The following STPG2 variants were observed in gnomAD, a reference collection of about 807,000 sequenced individuals.
The protein encoded by STPG2 is sperm tail PG-rich repeat containing 2.
STPG2 carries 56 observed loss-of-function variants against 54.2 expected under a neutral mutation model. The observed-to-expected ratio is 1.03, with a 90% CI of 0.83 to 1.29. STPG2 has a LOEUF of 1.29. Among genes scored for constraint, STPG2 ranks in the 50% most tolerant of loss-of-function variants. STPG2 has a pLI of 0.00. For missense variants in STPG2, 596 were observed against 544.9 expected (o/e 1.09, Z -0.93); for synonymous variants, 200 against 181.8 (o/e 1.10, Z -0.81).
chr4:97,945,292 T>C (rs1311122870), intron 7 of STPG2, among the ~76,000 whole-genome samples: 2 of 152,162 alleles, frequency 1.3e-5, no homozygotes, highest in African/African-American at 2.4e-5. Flanking sequence ...CTCTCACTTA[T>C]CAGTGAAACC....
intron 10 of STPG2, among the ~76,000 whole-genome samples, chr4:97,626,191 T>C (rs1378237104): frequency 1.3e-5 from 2 of 152,148 alleles, no homozygotes; most frequent in Non-Finnish European, 2.9e-5. Context: ...TCATAAACTC[T>C]CTTTTTCCAG....
intron 10 of STPG2, among the ~76,000 whole-genome samples, chr4:97,640,151 A>C (rs1405007687): frequency 2.0e-5 from 3 of 152,084 alleles, no homozygotes; most frequent in Admixed American, 1.3e-4. Context: ...GAATGTGCCC[A>C]GAAAGTTTAT....
intron 8 of STPG2, among the ~76,000 whole-genome samples, chr4:97,883,124 C>A (rs998960126): frequency 1.3e-5 from 2 of 151,476 alleles, no homozygotes; most frequent in Non-Finnish European, 2.9e-5. Flanking sequence ...TTGAGACTAG[C>A]ATGGGCAACA....
chr4:97,517,679 T>C (rs1400332724), intron 4 of STPG2, among the ~76,000 whole-genome samples: 1 of 152,130 alleles, frequency 6.6e-6, no homozygotes, highest in Admixed American at 6.6e-5. Context: ...TAAAGTTTCC[T>C]TCACTTTTCA....
At chr4:97,839,135 A>G (rs1408978123) in intron 9 of STPG2, among the ~76,000 whole-genome samples, 1 of 151,628 alleles carries the variant, frequency 6.6e-6, no homozygotes, top group African/African-American at 2.4e-5. Context: ...GCTTAACATT[A>G]GGAAGAAACA....
chr4:97,677,084 T>A (rs1722874219), intron 10 of STPG2, among the ~76,000 whole-genome samples: 1 of 152,164 alleles, frequency 6.6e-6, no homozygotes. Context: ...GTAAAAAAAA[T>A]TAAAGTCAAT....
intron 8 of STPG2, among the ~76,000 whole-genome samples, chr4:97,903,166 A>T (rs936680747): frequency 6.6e-6 from 1 of 152,200 alleles, no homozygotes; most frequent in Non-Finnish European, 1.5e-5. Context: ...TAATAATAAC[A>T]GTGTATTGTA....
chr4:98,014,652 T>C (rs930457376), intron 5 of STPG2, among the ~76,000 whole-genome samples: 8 of 152,222 alleles, frequency 5.3e-5, no homozygotes, highest in African/African-American at 1.9e-4. Context: ...ATGTATGCAC[T>C]ATCATTATAA....
At chr4:97,877,836 C>T (rs2149161682) in intron 8 of STPG2, among the ~76,000 whole-genome samples, 1 of 152,310 alleles carries the variant, frequency 6.6e-6, no homozygotes, top group Non-Finnish European at 1.5e-5. Flanking sequence ...CTCATTTCAG[C>T]ATTAACTCAA....
intron 10 of STPG2, among the ~76,000 whole-genome samples, chr4:97,653,821 G>C (rs1023598336): frequency 2.0e-5 from 3 of 152,134 alleles, no homozygotes; most frequent in Admixed American, 2.0e-4. Flanking sequence ...TGTAAGCAAT[G>C]GCAGGGGAGG....
intron 8 of STPG2, among the ~76,000 whole-genome samples, chr4:97,880,326 A>G (rs1367372592): frequency 6.6e-6 from 1 of 152,230 alleles, no homozygotes; most frequent in African/African-American, 2.4e-5. Flanking sequence ...TTAAATAATA[A>G]CAATAAAAAA....
At chr4:97,651,281 A>C (rs1481176099) in intron 10 of STPG2, among the ~76,000 whole-genome samples, 1 of 152,108 alleles carries the variant, frequency 6.6e-6, no homozygotes, top group Non-Finnish European at 1.5e-5. Flanking sequence ...ATTTGAAAAA[A>C]AAAATTCTAA....
chr4:98,112,692 G>C (rs1043698603), intron 3 of STPG2, among the ~76,000 whole-genome samples: 2 of 152,054 alleles, frequency 1.3e-5, no homozygotes, highest in Non-Finnish European at 2.9e-5. Context: ...AAATCCCCTT[G>C]ATTGTTTCTT....
Position 97,756,295 on chromosome 4 carries a change from C to T in STPG2, c.1205-43481G>A, listed in dbSNP as rs563012655. Reference sequence around the variant, plus strand: ...GTTTCTTAATAAATTATCCCAATTCCCTGTAGTTTTGTTTTGTTTTTGTTT... The same window carrying T: ...GTTTCTTAATAAATTATCCCAATTCTCTGTAGTTTTGTTTTGTTTTTGTTT... On this transcript the variant is annotated intron_variant, in intron 9 of 10. Transcript: ENST00000295268. 5.3e-5 allele frequency among the ~76,000 whole-genome samples: 8 copies of T among 151,878 alleles called. No individual in the cohort carries two copies. The South Asian group carries it at 1.7e-3, about 32-fold the overall frequency.
chr4:98,053,245 TAA>T (rs1448358675), intron 5 of STPG2, among the ~76,000 whole-genome samples: 1 of 152,152 alleles, frequency 6.6e-6, no homozygotes, highest in Non-Finnish European at 1.5e-5. Context: ...TAGTCTCCAT[TAA>T]CCCCCAAAAT....
chr4:97,961,917 T>A (rs1020938718), intron 7 of STPG2, among the ~76,000 whole-genome samples: 4 of 152,198 alleles, frequency 2.6e-5, no homozygotes, highest in Admixed American at 2.6e-4. Flanking sequence ...CGCACGTTTA[T>A]AGCAGCATAA....
chr4:98,001,710 C>T (rs1356214398), intron 5 of STPG2, among the ~76,000 whole-genome samples: 1 of 152,138 alleles, frequency 6.6e-6, no homozygotes, highest in African/African-American at 2.4e-5. Context: ...CAGGAAATCA[C>T]TCATGCTTAT....
At chr4:97,465,454 T>C (rs1412972155) in intron 4 of STPG2, among the ~76,000 whole-genome samples, 1 of 152,166 alleles carries the variant, frequency 6.6e-6, no homozygotes, top group Non-Finnish European at 1.5e-5. Flanking sequence ...ATCTGTTCTT[T>C]GTGTATATAT....
chr4:97,999,729 G>A (rs1735354671), intron 5 of STPG2, among the ~76,000 whole-genome samples: 1 of 152,096 alleles, frequency 6.6e-6, no homozygotes, highest in Non-Finnish European at 1.5e-5. Flanking sequence ...GGGCAAGGTT[G>A]GGAGAAAAAC....
Sources: gnomAD v4.1 joint callset for allele counts (sites outside exome capture counted in the v4.1 genomes callset) on GRCh38, gnomAD v4.1.1 for gene constraint, MANE v1.5 for transcripts, NCBI Gene and HGNC (gene_info 2026-07-23, HGNC 2026-07-21) for gene names.